The following OR4K2 variants were observed in gnomAD, a reference collection of about 807,000 sequenced individuals.
The protein encoded by OR4K2 is olfactory receptor 4K2.
In OR4K2, 8 loss-of-function variants were observed where a neutral mutation model predicts 10.5. The ratio of observed to expected loss-of-function variants is 0.76; its 90% CI spans 0.45 to 1.37. The LOEUF is 1.37. Ranked by LOEUF, OR4K2 falls within the 40% of genes most tolerant of loss-of-function variation. OR4K2 has a pLI of 0.00. For missense variants in OR4K2, 547 were observed against 379.5 expected (o/e 1.44, Z -3.67); for synonymous variants, 178 against 133.6 (o/e 1.33, Z -2.29).
At position 19,879,617 on chromosome 14, in the gene OR4K2, A is replaced by G. The variant is rs1880990570; in HGVS notation, c.*2405A>G. 1 of 152,284 alleles carries G rather than the reference A, an allele frequency of 6.6e-6. No individual in the cohort carries two copies. The highest frequency in any genetic ancestry group is 1.5e-5 in the Non-Finnish European group (1 of 68,054). The allele number at this position is 152,284 out of a possible 1,614,324, so 9.4% of individuals were successfully genotyped here. ...TGTTTAGGAAGCTGTGAAGCTTGAC[A>G]ACAATTGAATGCAGATGGAAAAACT... On this transcript the variant is annotated 3_prime_UTR_variant, in exon 2 of 2. Transcript: ENST00000641885.
In OR4K2 at chr14:19,882,033, T is replaced by C. The variant is rs1401411109; in HGVS notation, c.*4821T>C. 1 of 152,256 alleles carries C rather than the reference T, an allele frequency of 6.6e-6. No individual in the cohort carries two copies. The highest frequency in any genetic ancestry group is 1.5e-5 in the Non-Finnish European group (1 of 68,066). 9.4% of individuals were successfully genotyped at this position (152,256 alleles called of 1,614,324 possible). On this transcript the variant is annotated 3_prime_UTR_variant, in exon 2 of 2. Transcript: ENST00000641885. ...TTCAAAGACTTACAGGAACATGCAT[T>C]GGAGGCTGCAACTGGAGCTATTGTG...
Position 19,883,296 on chromosome 14 carries a change from T to C in OR4K2, c.*6084T>C, listed in dbSNP as rs1203664058. 5.2e-5 allele frequency: 8 copies of C among 152,420 alleles called. No homozygotes were observed. Among genetic ancestry groups the C allele is most frequent in the Admixed American group, 1.3e-4 (2 of 15,310 alleles). 9.4% of individuals were successfully genotyped at this position (152,420 alleles called of 1,614,324 possible). Reference sequence around the variant, plus strand: ...GCTGTTGTTGCTGTAGTAGTTGATATCTCTAACCATTTTTGTTGGCTGAAG... The same window carrying C: ...GCTGTTGTTGCTGTAGTAGTTGATACCTCTAACCATTTTTGTTGGCTGAAG... On this transcript the variant is annotated 3_prime_UTR_variant, in exon 2 of 2. Transcript: ENST00000641885.
rs1881039942 is a variant in OR4K2, at chr14:19,881,684, T to C, written c.*4472T>C. Reference sequence around the variant, plus strand: ...CCCCCATTAGCCTTTTTATGACTACTAAATGCAAGACCACTGTTAATTCGC... The same window carrying C: ...CCCCCATTAGCCTTTTTATGACTACCAAATGCAAGACCACTGTTAATTCGC... On this transcript the variant is annotated 3_prime_UTR_variant, in exon 2 of 2. Coordinates refer to ENST00000641885, the MANE Select transcript of OR4K2 (RefSeq NM_001005501.2). The C allele has an allele frequency of 6.6e-6, 1 of 152,252 alleles. No individual in the cohort carries two copies. The highest frequency in any genetic ancestry group is 2.4e-5 in the African/African-American group (1 of 41,554). The allele number at this position is 152,252 out of a possible 1,614,324, so 9.4% of individuals were successfully genotyped here. A position where few individuals can be genotyped will look rare whatever the true frequency, so the allele number is the denominator to read the frequency against.
Position 19,877,094 on chromosome 14 carries a change from C to G in OR4K2, c.827C>G (p.Thr276Ser). Reference sequence around the variant, plus strand: ...GACAAGATTCTGTCTGTGTTTTATACCATCTTTACTCCCACTCTGAACCCA... The same window carrying G: ...GACAAGATTCTGTCTGTGTTTTATAGCATCTTTACTCCCACTCTGAACCCA... The part of the protein sequence containing the change: ...LTDKILSVFY[T>S]IFTPTLNPII... Residue 276 changes from threonine to serine, a missense_variant, in exon 2 of 2, where the codon ACC (threonine) becomes AGC (serine). Thr to Ser is a moderately conservative substitution (Grantham distance 58, BLOSUM62 1). Coordinates refer to ENST00000641885, the MANE Select transcript of OR4K2 (RefSeq NM_001005501.2). The G allele has an allele frequency of 6.2e-7, 1 of 1,609,640 alleles. No individual in the cohort carries two copies. The highest frequency in any genetic ancestry group is 1.3e-5 in the African/African-American group (1 of 75,040).
At position 19,877,498 on chromosome 14, in the gene OR4K2, T is replaced by C; in HGVS notation, c.*286T>C. The C allele has an allele frequency of 3.1e-6, 1 of 318,856 alleles. No homozygotes were observed. The highest frequency in any genetic ancestry group is 3.5e-5 in the South Asian group (1 of 28,850). The allele number at this position is 318,856 out of a possible 1,614,324, so 19.8% of individuals were successfully genotyped here. A position where few individuals can be genotyped will look rare whatever the true frequency, so the allele number is the denominator to read the frequency against. ...GACCAAGGAATGAGGAGAAGAAATA[T>C]AGATTAAAGCAGAACTAGGAGATAA... On this transcript the variant is annotated 3_prime_UTR_variant, in exon 2 of 2. Transcript: ENST00000641885.
chr14:19,877,301 T>C lies in OR4K2; in HGVS notation c.*89T>C. The C allele has an allele frequency of 1.1e-6, 1 of 909,840 alleles. No homozygotes were observed. The highest frequency in any genetic ancestry group is 1.6e-6 in the Non-Finnish European group (1 of 609,156). The allele number at this position is 909,840 out of a possible 1,614,324, so 56.4% of individuals were successfully genotyped here. A position where few individuals can be genotyped will look rare whatever the true frequency, so the allele number is the denominator to read the frequency against. Reference sequence around the variant, plus strand: ...CCAAATTGTAATTGCCAAGAATTTGTGAGGGCTCAAGTTCAGTGCATTTTG... The same window carrying C: ...CCAAATTGTAATTGCCAAGAATTTGCGAGGGCTCAAGTTCAGTGCATTTTG... On this transcript the variant is annotated 3_prime_UTR_variant, in exon 2 of 2. Transcript: ENST00000641885.
rs977584650 is a variant in OR4K2, at chr14:19,880,382, G to A, written c.*3170G>A. 1.3e-5 allele frequency: 2 copies of A among 152,154 alleles called. No individual in the cohort carries two copies. Among genetic ancestry groups the A allele is most frequent in the African/African-American group, 2.4e-5 (1 of 41,438 alleles). 9.4% of individuals were successfully genotyped at this position (152,154 alleles called of 1,614,324 possible). Reference sequence around the variant, plus strand: ...TCTCTACACCACAGAGTTATTTGAGGCATAAAAGAAGCAAATAATATGAAG... The same window carrying A: ...TCTCTACACCACAGAGTTATTTGAGACATAAAAGAAGCAAATAATATGAAG... On this transcript the variant is annotated 3_prime_UTR_variant, in exon 2 of 2. Coordinates refer to ENST00000641885, the MANE Select transcript of OR4K2 (RefSeq NM_001005501.2).
In OR4K2 at chr14:19,875,693, A is replaced by G. The variant is rs1594426232; in HGVS notation, c.-465A>G. The G allele has an allele frequency of 6.6e-6, 1 of 152,604 alleles. No individual in the cohort carries two copies. The highest frequency in any genetic ancestry group is 1.5e-5 in the Non-Finnish European group (1 of 68,218). The allele number at this position is 152,604 out of a possible 1,614,324, so 9.5% of individuals were successfully genotyped here. On this transcript the variant is annotated 5_prime_UTR_variant, in exon 1 of 2. Transcript: ENST00000641885. ...TATGTATTTCTTTTGAGTTTCAAAC[A>G]GGAAACTTTATCTGGGAATACTTTA...
rs972092765 is a variant in OR4K2, at chr14:19,880,371, A to G, written c.*3159A>G. 6.6e-6 allele frequency: 1 copy of G among 152,246 alleles called. No homozygotes were observed. Among genetic ancestry groups the G allele is most frequent in the African/African-American group, 2.4e-5 (1 of 41,460 alleles). The allele number at this position is 152,246 out of a possible 1,614,324, so 9.4% of individuals were successfully genotyped here. ...GATAATAGTGGTCTCTACACCACAG[A>G]GTTATTTGAGGCATAAAAGAAGCAA... On this transcript the variant is annotated 3_prime_UTR_variant, in exon 2 of 2. Transcript: ENST00000641885.
rs750016162 is a variant in OR4K2 at position 19,876,896 on chromosome 14, G to C, written c.629G>C (p.Cys210Ser). Residue 210 changes from cysteine to serine, a missense_variant, in exon 2 of 2, where the codon TGT (cysteine) becomes TCT (serine). Cys to Ser is a moderately radical substitution (Grantham distance 112). Transcript: ENST00000641885. ...ACAAGTGGCATAATTGCGTTGTCCTGTTTTATTGTTTTATTTAATTCATAT... is the reference window on the plus strand; with the variant it reads ...ACAAGTGGCATAATTGCGTTGTCCTCTTTTATTGTTTTATTTAATTCATAT... ...ISTSGIIALS[C>S]FIVLFNSYVI... The C allele has an allele frequency of 8.7e-6, 14 of 1,614,032 alleles. No individual in the cohort carries two copies. Among genetic ancestry groups the C allele is most frequent in the Non-Finnish European group, 1.0e-5 (12 of 1,180,002 alleles).
In OR4K2 at chr14:19,880,415, T is replaced by C. The variant is rs1441310634; in HGVS notation, c.*3203T>C. ...GAAGCAAATAATATGAAGCATATGG[T>C]TGTCAATAAATGTTAGTCATTGTAT... On this transcript the variant is annotated 3_prime_UTR_variant, in exon 2 of 2. Transcript: ENST00000641885. The C allele has an allele frequency of 6.6e-6, 1 of 152,266 alleles. No homozygotes were observed. Among genetic ancestry groups the C allele is most frequent in the Non-Finnish European group, 1.5e-5 (1 of 68,042 alleles). 9.4% of individuals were successfully genotyped at this position (152,266 alleles called of 1,614,324 possible). A position where few individuals can be genotyped will look rare whatever the true frequency, so the allele number is the denominator to read the frequency against.
In OR4K2 at chr14:19,877,693, C is replaced by T. The variant is rs1880944129; in HGVS notation, c.*481C>T. Reference sequence around the variant, plus strand: ...ACGTTCCCAAGCCACTCCTACTTAACATTTAAACCAATTTGTGATCTCTTC... The same window carrying T: ...ACGTTCCCAAGCCACTCCTACTTAATATTTAAACCAATTTGTGATCTCTTC... On this transcript the variant is annotated 3_prime_UTR_variant, in exon 2 of 2. Transcript: ENST00000641885. 1 of 154,128 alleles carries T rather than the reference C, an allele frequency of 6.5e-6. No individual in the cohort carries two copies. Among genetic ancestry groups the T allele is most frequent in the East Asian group, 1.9e-4 (1 of 5,224 alleles). The allele number at this position is 154,128 out of a possible 1,614,324, so 9.5% of individuals were successfully genotyped here. A position where few individuals can be genotyped will look rare whatever the true frequency, so the allele number is the denominator to read the frequency against.
rs1373334374 is a variant in OR4K2 at position 19,875,170 on chromosome 14, C to A, written c.-988C>A. ...CCTACAACATCCATTTTATCCACAG[C>A]TGATACACAACTAATGATTCAACTA... is the stretch of plus-strand genomic sequence containing the variant. On this transcript the variant is annotated 5_prime_UTR_variant, in exon 1 of 2. It adds an upstream start codon to the 5' untranslated region. Coordinates refer to ENST00000641885, the MANE Select transcript of OR4K2 (RefSeq NM_001005501.2). 6.6e-6 allele frequency: 1 copy of A among 152,238 alleles called. No individual in the cohort carries two copies. Among genetic ancestry groups the A allele is most frequent in the Non-Finnish European group, 1.5e-5 (1 of 68,034 alleles). The allele number at this position is 152,238 out of a possible 1,614,324, so 9.4% of individuals were successfully genotyped here. A position where few individuals can be genotyped will look rare whatever the true frequency, so the allele number is the denominator to read the frequency against.
rs567716954 is a variant in OR4K2, at chr14:19,881,353, G to A, written c.*4141G>A. ...TTTAATGCTCTTGGTTACACCATGA[G>A]GTAAATATGCACAAATTATTCTGGA... On this transcript the variant is annotated 3_prime_UTR_variant, in exon 2 of 2. Coordinates refer to ENST00000641885, the MANE Select transcript of OR4K2 (RefSeq NM_001005501.2). The A allele has an allele frequency of 2.0e-5, 3 of 152,166 alleles. No homozygotes were observed. Among genetic ancestry groups the A allele is most frequent in the Admixed American group, 6.5e-5 (1 of 15,268 alleles). The allele number at this position is 152,166 out of a possible 1,614,324, so 9.4% of individuals were successfully genotyped here. A position where few individuals can be genotyped will look rare whatever the true frequency, so the allele number is the denominator to read the frequency against.
Position 19,878,737 on chromosome 14 carries a change from C to T in OR4K2, c.*1525C>T, listed in dbSNP as rs1037593599. On this transcript the variant is annotated 3_prime_UTR_variant, in exon 2 of 2. Transcript: ENST00000641885. ...CAGTATTAACATAAAATAAAACATGCTTCTGTAAGCACAAGATTAGCATAA... is the reference window on the plus strand; with the variant it reads ...CAGTATTAACATAAAATAAAACATGTTTCTGTAAGCACAAGATTAGCATAA... 6.6e-6 allele frequency: 1 copy of T among 152,156 alleles called. No homozygotes were observed. The highest frequency in any genetic ancestry group is 6.5e-5 in the Admixed American group (1 of 15,276). The allele number at this position is 152,156 out of a possible 1,614,324, so 9.4% of individuals were successfully genotyped here.
chr14:19,876,801 C>G lies in OR4K2; in HGVS notation c.534C>G (p.Phe178Leu), dbSNP rs267603914. 2 of 1,614,206 alleles carry G rather than the reference C, an allele frequency of 1.2e-6. No homozygotes were observed. Among genetic ancestry groups the G allele is most frequent in the African/African-American group, 1.3e-5 (1 of 75,064 alleles). The change falls in exon 2 of 2, where the codon TTC becomes TTG. Residue 178 changes from phenylalanine to leucine, a missense_variant. Transcript: ENST00000641885. ...FCGPYEVDSF[F>L]CDLPVVFQLA... The stretch of plus-strand genomic sequence containing the variant: ...GTCCCTATGAGGTAGACAGCTTTTT[C>G]TGTGACCTTCCTGTGGTGTTCCAGT...
rs146620419 is a variant in OR4K2 at position 19,876,888 on chromosome 14, G to T, written c.621G>T (p.Ala207=). The T allele has an allele frequency of 6.2e-7, 1 of 1,614,134 alleles. No individual in the cohort carries two copies. Among genetic ancestry groups the T allele is most frequent in the South Asian group, 1.1e-5 (1 of 91,086 alleles). The change falls in exon 2 of 2, where the codon GCG becomes GCT. Residue 207 remains alanine, a synonymous_variant. Transcript: ENST00000641885. ...TGATCTCAACAAGTGGCATAATTGC[G>T]TTGTCCTGTTTTATTGTTTTATTTA... The part of the protein sequence containing the change: ...LFMISTSGII[A]LSCFIVLFNS...
At position 19,879,073 on chromosome 14, in the gene OR4K2, G is replaced by C. The variant is rs1880978220; in HGVS notation, c.*1861G>C. 1 of 152,232 alleles carries C rather than the reference G, an allele frequency of 6.6e-6. No homozygotes were observed. The allele number at this position is 152,232 out of a possible 1,614,324, so 9.4% of individuals were successfully genotyped here. On this transcript the variant is annotated 3_prime_UTR_variant, in exon 2 of 2. Transcript: ENST00000641885. ...GAACATTTGCCAAAATACCCTCAAA[G>C]GTGTAGCTGATCAGCAGACAACTCT... is the stretch of plus-strand genomic sequence containing the variant.
rs1158846168 is a variant in OR4K2 at position 19,880,502 on chromosome 14, C to T, written c.*3290C>T. 2 of 152,216 alleles carry T rather than the reference C, an allele frequency of 1.3e-5. No homozygotes were observed. The highest frequency in any genetic ancestry group is 1.5e-5 in the Non-Finnish European group (1 of 68,032). 9.4% of individuals were successfully genotyped at this position (152,216 alleles called of 1,614,324 possible). On this transcript the variant is annotated 3_prime_UTR_variant, in exon 2 of 2. Coordinates refer to ENST00000641885, the MANE Select transcript of OR4K2 (RefSeq NM_001005501.2). ...GGGACTTGATAGTCTCTTGAGCTAA[C>T]ACTTGACTTGTTTAATTTAAAAGGT...
Sources: gnomAD v4.1 joint callset for allele counts on GRCh38, gnomAD v4.1.1 for gene constraint, MANE v1.5 for transcripts, NCBI Gene and HGNC (gene_info 2026-07-23, HGNC 2026-07-21) for gene names.